Variants in ADAMTS19 observed in about 807,000 individuals in gnomAD.
ADAMTS19 encodes ADAM metallopeptidase with thrombospondin type 1 motif 19.
In ADAMTS19, 93 loss-of-function variants were observed where a neutral mutation model predicts 153.3. The ratio of observed to expected loss-of-function variants is 0.61; its 90% confidence interval spans 0.51 to 0.72. The LOEUF (loss-of-function observed/expected upper bound fraction) is 0.72. Among genes scored for constraint, ADAMTS19 ranks in the 30% least tolerant of loss-of-function variants. The pLI is 0.00. For missense variants in ADAMTS19, 1,482 were observed against 1,552.1 expected (o/e 0.95, Z 0.76); for synonymous variants, 600 against 556.6 (o/e 1.08, Z -1.10).
intron 8 of ADAMTS19, among the ~76,000 whole-genome samples, chr5:129,609,440 T>A (rs999459719): frequency 2.0e-5 from 3 of 152,204 alleles, no homozygotes; most frequent in African/African-American, 7.2e-5. Context: ...ATTTTATGAA[T>A]ACCTTAATGT....
chr5:129,647,996 C>G (rs998515355), intron 12 of ADAMTS19, 101 bp downstream of exon 12: 4 of 1,324,040 alleles, frequency 3.0e-6, no homozygotes, highest in South Asian at 1.8e-5. Context: ...GCTCCTCAAA[C>G]TCTACTCACG....
intron 16 of ADAMTS19, among the ~76,000 whole-genome samples, chr5:129,675,543 A>G (rs977949946): frequency 6.6e-6 from 1 of 152,074 alleles, no homozygotes; most frequent in Admixed American, 6.5e-5. Context: ...AGTTCAGTGA[A>G]TTTGTCATTA....
At chr5:129,475,665 T>C (rs1265004438) in intron 2 of ADAMTS19, among the ~76,000 whole-genome samples, 1 of 152,186 alleles carries the variant, frequency 6.6e-6, no homozygotes, top group African/African-American at 2.4e-5. Flanking sequence ...AAACCCCATC[T>C]GTACTAAAAA....
chr5:129,627,055 G>T (rs981880462), intron 10 of ADAMTS19, among the ~76,000 whole-genome samples: 15 of 152,008 alleles, frequency 9.9e-5, no homozygotes, highest in African/African-American at 3.6e-4. Context: ...TTCATTGTGG[G>T]TCATGTCGTG....
Position 129,461,198 on chromosome 5 carries a change from G to T in ADAMTS19, c.188G>T (p.Ser63Ile). 6.0e-6 allele frequency: 8 copies of T among 1,328,078 alleles called. No individual in the cohort carries two copies. The highest frequency in any genetic ancestry group is 6.7e-6 in the Non-Finnish European group (7 of 1,041,700). The allele number at this position is 1,328,078 out of a possible 1,614,324, so 82.3% of individuals were successfully genotyped here. A position where few individuals can be genotyped will look rare whatever the true frequency, so the allele number is the denominator to read the frequency against. Reference protein sequence around the residue: ...PVDPAGGSGGSADPGWVRGVG... With the variant: ...PVDPAGGSGGIADPGWVRGVG... ...GACCCGGCTGGCGGCAGCGGGGGCA[G>T]CGCGGACCCGGGCTGGGTGCGCGGC... is the stretch of plus-strand genomic sequence containing the variant. Residue 63 changes from serine to isoleucine, a missense_variant, in exon 2 of 23, where the codon AGC (serine) becomes ATC (isoleucine). Physicochemically the swap from Ser to Ile is moderately radical, Grantham distance 142. This residue lies in a region of ADAMTS19 where 866 missense variants were observed against 827.7 expected (regional missense o/e 1.05). Coordinates refer to ENST00000274487, the MANE Select transcript of ADAMTS19 (RefSeq NM_133638.6). This position sits in a 1 kb window ranked among gnomAD's most constrained non-coding sequence, Gnocchi z 4.6.
At chr5:129,689,087 A>G (rs1755217329) in intron 18 of ADAMTS19, among the ~76,000 whole-genome samples, 1 of 152,360 alleles carries the variant, frequency 6.6e-6, no homozygotes, top group Non-Finnish European at 1.5e-5. Context: ...ACTGAAATAA[A>G]ATAGAATGAG....
At chr5:129,730,387 T>C (rs1004259516) in intron 21 of ADAMTS19, among the ~76,000 whole-genome samples, 5 of 152,152 alleles carry the variant, frequency 3.3e-5, no homozygotes, top group Non-Finnish European at 7.4e-5. Context: ...TTTGCAGAAA[T>C]ATATACAGAG....
At chr5:129,631,559 G>GATGCATTATGTCTTCTTT (rs2127001352) in intron 10 of ADAMTS19, among the ~76,000 whole-genome samples, 1 of 151,952 alleles carries the variant, frequency 6.6e-6, no homozygotes, top group South Asian at 2.1e-4. Context: ...ATGTCTTCTT[G>GATGCATTATGTCTTCTTT]ATGCATTATG....
intron 10 of ADAMTS19, among the ~76,000 whole-genome samples, chr5:129,624,130 A>C (rs1393681547): frequency 7.1e-6 from 1 of 141,652 alleles, no homozygotes; most frequent in African/African-American, 2.9e-5. Flanking sequence ...CAGTCTCAAA[A>C]AAAAAAAAAA....
At chr5:129,658,824 G>A in intron 15 of ADAMTS19, 87 bp downstream of exon 15, 1 of 1,362,008 alleles carries the variant, frequency 7.3e-7, no homozygotes, top group Non-Finnish European at 9.8e-7. Context: ...AGAGATTATA[G>A]TTCTAATTCT....
chr5:129,666,591 G>C (rs1754064234), intron 16 of ADAMTS19, among the ~76,000 whole-genome samples: 1 of 152,018 alleles, frequency 6.6e-6, no homozygotes, highest in South Asian at 2.1e-4. Flanking sequence ...TGAAGTCTAG[G>C]ACTAGAAAAA....
chr5:129,586,022 T>C (rs1189677514), intron 7 of ADAMTS19, among the ~76,000 whole-genome samples: 1 of 152,192 alleles, frequency 6.6e-6, no homozygotes, highest in African/African-American at 2.4e-5. Flanking sequence ...AGACTATTTT[T>C]TAGAGCAGTC....
chr5:129,630,549 G>A (rs1238296121), intron 10 of ADAMTS19, among the ~76,000 whole-genome samples: 1 of 151,974 alleles, frequency 6.6e-6, no homozygotes, highest in African/African-American at 2.4e-5. Flanking sequence ...GGAACAATTT[G>A]ACATTCATCT....
chr5:129,590,546 G>T (rs1750078908), intron 7 of ADAMTS19, among the ~76,000 whole-genome samples: 1 of 152,062 alleles, frequency 6.6e-6, no homozygotes, highest in Admixed American at 6.5e-5. Flanking sequence ...CACGTTAAGA[G>T]TGTTGTAAAT....
At chr5:129,585,380 A>AAT (rs988173926) in intron 7 of ADAMTS19, among the ~76,000 whole-genome samples, 2 of 151,654 alleles carry the variant, frequency 1.3e-5, no homozygotes, top group African/African-American at 4.8e-5. Flanking sequence ...TTTTCTTTCT[A>AAT]ATATATATTA....
At chr5:129,727,762 A>G (rs1263354119) in intron 21 of ADAMTS19, among the ~76,000 whole-genome samples, 1 of 152,176 alleles carries the variant, frequency 6.6e-6, no homozygotes, top group East Asian at 1.9e-4. Context: ...AGTGCCTGGC[A>G]TATAATAAAC....
intron 2 of ADAMTS19, among the ~76,000 whole-genome samples, chr5:129,496,291 G>C (rs1015610999): frequency 6.6e-6 from 1 of 152,066 alleles, no homozygotes. Context: ...CTTAATTACT[G>C]TAAAGATATT....
rs1752098237 is a variant in ADAMTS19 at position 129,528,649 on chromosome 5, T to TTGG, written c.1300_1301insTGG (p.Ser434delinsLeuAla). On this transcript the variant is annotated protein_altering_variant, in exon 6 of 23. Coordinates refer to ENST00000274487, the MANE Select transcript of ADAMTS19 (RefSeq NM_133638.6). ...AACAAACTGGGGGGAAGACATGACT[T>TTGG]CAGTGGATGCAGCTATACTTATAAC... is the stretch of plus-strand genomic sequence containing the variant. 2 of 1,600,314 alleles carry TTGG rather than the reference T, an allele frequency of 1.2e-6. No homozygotes were observed. Among genetic ancestry groups the TTGG allele is most frequent in the East Asian group, 4.6e-5 (2 of 43,920 alleles).
intron 11 of ADAMTS19, among the ~76,000 whole-genome samples, chr5:129,644,195 G>T (rs2127030357): frequency 6.6e-6 from 1 of 152,244 alleles, no homozygotes; most frequent in South Asian, 2.1e-4. Flanking sequence ...TCTCTTAGAG[G>T]TTCTGTAATG....
Sources: allele counts gnomAD v4.1 joint callset (sites outside exome capture counted in the v4.1 genomes callset), GRCh38; gene constraint gnomAD v4.1.1; regional missense constraint gnomAD v4.1.1; non-coding constraint Gnocchi (gnomAD v3.1); transcripts MANE v1.5; gene names NCBI Gene and HGNC (gene_info 2026-07-23, HGNC 2026-07-21).